The following WDR93 variants were observed in gnomAD, a reference collection of about 807,000 sequenced individuals.
WDR93 encodes WD repeat-containing protein 93.
In WDR93, 73 loss-of-function variants were observed where a neutral mutation model predicts 82.9. The ratio of observed to expected loss-of-function variants is 0.88; its 90% confidence interval spans 0.73 to 1.07. The LOEUF is 1.07. WDR93 is among the 50% of genes least tolerant of loss of function. The pLI, the probability that WDR93 is intolerant of heterozygous loss-of-function variation, is 0.00. For synonymous variants in WDR93, 283 were observed against 300.1 expected, an observed-to-expected ratio of 0.94 and a Z score of 0.59; for missense variants, 738 against 826.0, an observed-to-expected ratio of 0.89 and a Z score of 1.31.
rs1233374914 is a variant in WDR93, at chr15:89,731,501, C to T, written c.1269C>T (p.Ser423=). 2 of 1,614,086 alleles carry T rather than the reference C, an allele frequency of 1.2e-6. No homozygotes were observed. The highest frequency in any genetic ancestry group is 1.7e-5 in the Admixed American group (1 of 60,004). The change falls in exon 12 of 17, where the codon TCC becomes TCT. Residue 423 remains serine, a synonymous_variant. Coordinates refer to ENST00000268130, the MANE Select transcript of WDR93 (RefSeq NM_020212.2). ...TTGCAGTCTCTCAGCTCAGCTGCTC[C>T]TCCTCCTACCTGGTGCTGGCCTGCG... The part of the protein sequence containing the change: ...APIAVSQLSC[S]SSYLVLACED...
upstream of WDR93, chr15:89,690,689 C>T: frequency 7.9e-7 from 1 of 1,265,718 alleles, no homozygotes; most frequent in Non-Finnish European, 1.1e-6. Context: ...TCCTCTGGGG[C>T]CCGTCGGATC....
At chr15:89,723,790 T>C (rs1966621928) in intron 8 of WDR93, among the ~76,000 whole-genome samples, 1 of 152,150 alleles carries the variant, frequency 6.6e-6, no homozygotes, top group African/African-American at 2.4e-5. Flanking sequence ...GCTGTTTATG[T>C]GGAGACAAAA....
At chr15:89,692,533 A>G (rs979981609) in intron 1 of WDR93, among the ~76,000 whole-genome samples, 4 of 152,222 alleles carry the variant, frequency 2.6e-5, no homozygotes, top group East Asian at 3.8e-4. Flanking sequence ...CAGTAAACTG[A>G]TAAGTACAAC....
chr15:89,708,288 A>T (rs1005078926), intron 4 of WDR93, among the ~76,000 whole-genome samples: 1 of 152,210 alleles, frequency 6.6e-6, no homozygotes, highest in African/African-American at 2.4e-5. Context: ...CTGTTAAAAA[A>T]TTTCAAATTT....
chr15:89,701,101 T>C (rs1391656213), intron 1 of WDR93, among the ~76,000 whole-genome samples: 3 of 152,060 alleles, frequency 2.0e-5, no homozygotes, highest in African/African-American at 7.2e-5. Context: ...GTGGCACAGA[T>C]AGAAGTGGAA....
At chr15:89,728,963 C>T (rs1315974735) in intron 9 of WDR93, 60 bp from the exon 10 acceptor site, 2 of 1,462,822 alleles carry the variant, frequency 1.4e-6, no homozygotes, top group Non-Finnish European at 1.9e-6. Context: ...AAGACTCTGC[C>T]AGCAGCTCTC....
chr15:89,734,472 G>A (rs1966997631), intron 13 of WDR93, among the ~76,000 whole-genome samples: 1 of 152,168 alleles, frequency 6.6e-6, no homozygotes. Context: ...CAGCAGGAGA[G>A]GGCAACCATA....
Position 89,738,156 on chromosome 15 carries a change from T to TC in WDR93, c.1883dup (p.Gln629SerfsTer6). 5 of 1,614,174 alleles carry TC rather than the reference T, an allele frequency of 3.1e-6. No homozygotes were observed. Among genetic ancestry groups the TC allele is most frequent in the Non-Finnish European group, 4.2e-6 (5 of 1,180,010 alleles). On this transcript the variant is annotated frameshift_variant, in exon 16 of 17. Coordinates refer to ENST00000268130, the MANE Select transcript of WDR93 (RefSeq NM_020212.2). LOFTEE classifies it high-confidence loss of function. ...AAAATATCTCAAAAAATTGTACCAT[T>TC]CCTCAAAGGGACTTGGATAACATGG...
At chr15:89,714,958 G>T in intron 5 of WDR93, 22 bp from the exon 6 acceptor site, 1 of 1,599,754 alleles carries the variant, frequency 6.3e-7, no homozygotes, top group Non-Finnish European at 8.6e-7. Flanking sequence ...TTGCTCAATG[G>T]TTCTCTGGTT....
chr15:89,706,522 AAG>A (rs966890452), intron 4 of WDR93, among the ~76,000 whole-genome samples: 3 of 152,136 alleles, frequency 2.0e-5, no homozygotes, highest in African/African-American at 7.2e-5. Context: ...TGGGGGCCAA[AAG>A]AGAGTATTTT....
chr15:89,709,870 AAT>A, intron 4 of WDR93, among the ~76,000 whole-genome samples: 1 of 151,958 alleles, frequency 6.6e-6, no homozygotes, highest in Non-Finnish European at 1.5e-5. Context: ...TAAAAAAAAA[AAT>A]AATCAAGGCC....
intron 3 of WDR93, chr15:89,704,670 T>C (rs930505661): frequency 1.3e-5 from 2 of 152,174 alleles, no homozygotes; most frequent in Admixed American, 6.5e-5. Context: ...AGTTGAAGAA[T>C]TCCATTTGAA....
At chr15:89,734,198 C>T (rs773598796) in intron 13 of WDR93, among the ~76,000 whole-genome samples, 2 of 152,130 alleles carry the variant, frequency 1.3e-5, no homozygotes, top group Non-Finnish European at 2.9e-5. Context: ...CAAACCACCC[C>T]AAAACTTAAT....
In WDR93 at chr15:89,702,940, G is replaced by T. The variant is rs890437011; in HGVS notation, c.304-10G>T. On this transcript the variant is annotated splice_polypyrimidine_tract_variant and intron_variant, in intron 2 of 16. Coordinates refer to ENST00000268130, the MANE Select transcript of WDR93 (RefSeq NM_020212.2). Reference sequence around the variant, plus strand: ...CAACTGAAAATAATATTTTTTCTTTGTTTTCCCAGCTCAACAAAATGCCAA... The same window carrying T: ...CAACTGAAAATAATATTTTTTCTTTTTTTTCCCAGCTCAACAAAATGCCAA... 3.7e-6 allele frequency: 6 copies of T among 1,609,648 alleles called. No individual in the cohort carries two copies. The Admixed American group carries it at 5.1e-5, about 14-fold the overall frequency.
intron 12 of WDR93, among the ~76,000 whole-genome samples, chr15:89,732,764 C>T (rs1363622548): frequency 4.6e-5 from 7 of 152,166 alleles, no homozygotes; most frequent in Non-Finnish European, 1.0e-4. Context: ...CCCTGCCCTC[C>T]TCCATGCTCT....
At chr15:89,729,162 C>T in intron 10 of WDR93, 69 bp downstream of exon 10, 1 of 1,428,764 alleles carries the variant, frequency 7.0e-7, no homozygotes, top group Admixed American at 1.7e-5. Flanking sequence ...CAGCAAGCCC[C>T]CACAGAGATG....
At chr15:89,701,220 C>T (rs1231594224) in intron 1 of WDR93, among the ~76,000 whole-genome samples, 1 of 151,942 alleles carries the variant, frequency 6.6e-6, no homozygotes, top group African/African-American at 2.4e-5. Context: ...AACTTCTGGG[C>T]AGCAGCAGCG....
intron 3 of WDR93, chr15:89,703,463 T>C: frequency 2.6e-6 from 1 of 379,890 alleles, no homozygotes; most frequent in Non-Finnish European, 4.9e-6. Context: ...CCAGGCAGTA[T>C]GGCCCTGGAG....
upstream of WDR93, chr15:89,690,794 TC>T (rs1167516430): frequency 3.7e-5 from 21 of 560,744 alleles, no homozygotes; most frequent in Non-Finnish European, 6.6e-5. Context: ...TAGAGCAACT[TC>T]GCGGACTTCC....
Sources: gnomAD v4.1 joint callset for allele counts (sites outside exome capture counted in the v4.1 genomes callset) on GRCh38, gnomAD v4.1.1 for gene constraint, MANE v1.5 for transcripts, NCBI Gene and HGNC (gene_info 2026-07-23, HGNC 2026-07-21) for gene names.